Variants in NBEAL2 observed in about 807,000 individuals in gnomAD.
The protein encoded by NBEAL2 is neurobeachin-like protein 2.
A neutral mutation model predicts 299.8 loss-of-function variants in NBEAL2; 160 were observed. That is an observed-to-expected ratio of 0.53 (90% CI 0.47 to 0.61). The LOEUF is 0.61. NBEAL2 is among the 20% of genes least tolerant of loss of function. NBEAL2 has a pLI of 0.00. For synonymous variants in NBEAL2, 1,493 were observed against 1,542.3 expected, an observed-to-expected ratio of 0.97 and a Z score of 0.75; for missense variants, 3,112 against 3,649.0, an observed-to-expected ratio of 0.85 and a Z score of 3.79.
rs1487994220 is a variant in NBEAL2 at position 47,000,031 on chromosome 3, C to T, written c.3932C>T (p.Thr1311Ile). The T allele has an allele frequency of 3.7e-6, 6 of 1,612,966 alleles. No individual in the cohort carries two copies. Among genetic ancestry groups the T allele is most frequent in the Non-Finnish European group, 5.1e-6 (6 of 1,179,826 alleles). ...SPPPSSPESP[T>I]SPKPAPPKPP... is the part of the protein sequence containing the mutation. ...CCTCCGTCTTCCCCAGAGTCACCTA[C>T]CTCCCCCAAGCCAGCCCCACCCAAG... is the stretch of plus-strand genomic sequence containing the variant. The change falls in exon 27 of 54, where the codon ACC becomes ATC. Residue 1311 changes from threonine (T) to isoleucine (I), a missense_variant. Transcript: ENST00000450053. The surrounding 1 kb of genome is among the most constrained non-coding windows in gnomAD (Gnocchi z 4.5).
At position 46,996,387 on chromosome 3, in the gene NBEAL2, C is replaced by T; in HGVS notation, c.2268C>T (p.Arg756=). The T allele has an allele frequency of 6.2e-7, 1 of 1,612,266 alleles. No individual in the cohort carries two copies. Among genetic ancestry groups the T allele is most frequent in the Non-Finnish European group, 8.5e-7 (1 of 1,179,662 alleles). The change falls in exon 16 of 54, where the codon CGC becomes CGT. Residue 756 remains arginine (R), a synonymous_variant. Coordinates refer to ENST00000450053, the MANE Select transcript of NBEAL2 (RefSeq NM_015175.3). ...TLAYTHPALT[R]SQSVPASTGL... is the part of the protein sequence containing the mutation. ...CCTACACTCACCCCGCCCTCACCCG[C>T]TCCCAGTCAGTCCCAGCCTCCACAG...
At chr3:47,008,918 A>T (rs1217378905) in intron 52 of NBEAL2, 71 bp from the exon 53 acceptor site, 9 of 1,578,678 alleles carry the variant, frequency 5.7e-6, no homozygotes, top group Non-Finnish European at 8.6e-7. Context: ...GGTATATGGG[A>T]TAAGGGATAT....
At position 47,008,423 on chromosome 3, in the gene NBEAL2, G is replaced by C. The variant is rs1438118971; in HGVS notation, c.7860G>C (p.Trp2620Cys). The change falls in exon 51 of 54, where the codon TGG (tryptophan) becomes TGC (cysteine). Residue 2620 changes from tryptophan to cysteine, a missense_variant. Transcript: ENST00000450053. The stretch of plus-strand genomic sequence containing the variant: ...AGATTGTGGTACAGAGCTCAGCGTG[G>C]GAACGTCCTGGGGCCCAGGTATGGG... ...EGQIVVQSSA[W>C]ERPGAQVTYS... 1 of 1,613,148 alleles carries C rather than the reference G, an allele frequency of 6.2e-7. No individual in the cohort carries two copies. The highest frequency in any genetic ancestry group is 1.1e-5 in the South Asian group (1 of 91,074).
chr3:46,989,458 A>ACGGCCAGGAGTGGTGAGAGC lies in NBEAL2; in HGVS notation c.474-49_474-30dup. The ACGGCCAGGAGTGGTGAGAGC allele has an allele frequency of 6.4e-7, 1 of 1,565,562 alleles. No homozygotes were observed. Among genetic ancestry groups the ACGGCCAGGAGTGGTGAGAGC allele is most frequent in the Non-Finnish European group, 8.7e-7 (1 of 1,155,190 alleles). On this transcript the variant is annotated intron_variant, in intron 5 of 53. Transcript: ENST00000450053. This position sits in a 1 kb window ranked among gnomAD's most constrained non-coding sequence, Gnocchi z 5.5. ...GCCGCGCTGGGCCCAAGGAGGGGTG[A>ACGGCCAGGAGTGGTGAGAGC]CGGCCAGGAGTGGTGAGAGCCGGGC...
At chr3:47,006,471 A>C in intron 45 of NBEAL2, 22 bp downstream of exon 45, 196 of 1,547,252 alleles carry the variant, frequency 1.3e-4, no homozygotes, top group Non-Finnish European at 1.5e-4. Context: ...ACAAGACCTC[A>C]ACTTTATATT....
rs755022000 is a variant in NBEAL2 at position 47,001,875 on chromosome 3, G to C, written c.4783-45G>C. 3 of 1,608,286 alleles carry C rather than the reference G, an allele frequency of 1.9e-6. No individual in the cohort carries two copies. In the East Asian group the frequency reaches 6.7e-5, roughly 36 times the overall value. On this transcript the variant is annotated intron_variant, in intron 30 of 53. Transcript: ENST00000450053. The surrounding 1 kb of genome is among the most constrained non-coding windows in gnomAD (Gnocchi z 6.1). ...GCAGGGGGCGTGTGAGATGTCGGGA[G>C]CTCCAAGAGTGGCTGGGTGCCACTC...
At position 46,989,297 on chromosome 3, in the gene NBEAL2, A is replaced by T; in HGVS notation, c.389A>T (p.Gln130Leu). 2.5e-6 allele frequency: 4 copies of T among 1,608,192 alleles called. No individual in the cohort carries two copies. Among genetic ancestry groups the T allele is most frequent in the Non-Finnish European group, 3.4e-6 (4 of 1,177,302 alleles). The change falls in exon 5 of 54, where the codon CAG becomes CTG. Residue 130 changes from glutamine to leucine, a missense_variant. Around this residue, in one of 3 missense-constraint regions of NBEAL2, gnomAD observed 2,243 missense variants for 2,538.1 expected, o/e 0.88. Transcript: ENST00000450053. The surrounding 1 kb of genome is among the most constrained non-coding windows in gnomAD (Gnocchi z 5.5). The part of the protein sequence containing the change: ...GCPPPQGRGT[Q>L]LENVALHALL... ...CCACCACCCCAGGGCCGAGGCACGC[A>T]GTTGGAGAATGTGGCCCTACATGCT...
Position 47,006,215 on chromosome 3 carries a change from G to T in NBEAL2, c.6970G>T (p.Glu2324Ter). The change falls in exon 44 of 54, where the codon GAG becomes TAG. Residue 2324 changes from glutamate (E) to a stop codon, truncating the protein, a stop_gained. Transcript: ENST00000450053. LOFTEE classifies it high-confidence loss of function. ...VTDERERKAL[E>*]GIISNFGQTP... ...AGATGAGCGGGAACGGAAGGCTCTG[G>T]AGGGCATTATCAGCAACTTTGGGCA... is the stretch of plus-strand genomic sequence containing the variant. The T allele has an allele frequency of 6.2e-7, 1 of 1,613,968 alleles. No homozygotes were observed. The highest frequency in any genetic ancestry group is 8.5e-7 in the Non-Finnish European group (1 of 1,179,892).
chr3:46,984,870 C>G (rs1020511942), intron 1 of NBEAL2, among the ~76,000 whole-genome samples: 2 of 152,134 alleles, frequency 1.3e-5, no homozygotes, highest in Non-Finnish European at 2.9e-5. Context: ...GCCAGAGCCC[C>G]TGGATCTGGA....
chr3:46,996,133 G>C, intron 15 of NBEAL2, 82 bp downstream of exon 15: 1 of 1,548,414 alleles, frequency 6.5e-7, no homozygotes, highest in Non-Finnish European at 8.7e-7. Flanking sequence ...TGGAGCCCTT[G>C]TGTCCCGTGC....
chr3:46,981,252 G>A (rs2035313595), intron 1 of NBEAL2, among the ~76,000 whole-genome samples: 1 of 152,140 alleles, frequency 6.6e-6, no homozygotes, highest in Non-Finnish European at 1.5e-5. Context: ...AGACCATCCT[G>A]GCCAACATGG....
At position 46,991,464 on chromosome 3, in the gene NBEAL2, G is replaced by A. The variant is rs778395242; in HGVS notation, c.701G>A (p.Arg234Gln). 17 of 1,612,298 alleles carry A rather than the reference G, an allele frequency of 1.1e-5. No individual in the cohort carries two copies. In the Middle Eastern group the frequency reaches 4.9e-4, roughly 47 times the overall value. ...GSVKGLLSVV[R>Q]GWSRGPAPDP... ...GTGAAGGGCCTGCTGAGTGTGGTGC[G>A]GGGCTGGAGCCGTGGGCCAGCCCCG... Residue 234 changes from arginine (R) to glutamine (Q), a missense_variant, in exon 8 of 54, where the codon CGG (arginine) becomes CAG (glutamine). By Grantham distance (43) the Arg-to-Gln change is conservative. Coordinates refer to ENST00000450053, the MANE Select transcript of NBEAL2 (RefSeq NM_015175.3). The surrounding 1 kb of genome is among the most constrained non-coding windows in gnomAD (Gnocchi z 6.2).
At chr3:47,005,120 C>T (rs1284583061) in intron 39 of NBEAL2, 24 bp downstream of exon 39, 1 of 1,613,890 alleles carries the variant, frequency 6.2e-7, no homozygotes, top group Non-Finnish European at 8.5e-7. Flanking sequence ...CAGGGCTGGG[C>T]TCAGCGGGTA....
chr3:46,995,674 A>G, intron 13 of NBEAL2, 40 bp from the exon 14 acceptor site: 1 of 1,609,608 alleles, frequency 6.2e-7, no homozygotes. Flanking sequence ...TGCCAGGGTG[A>G]GCAGGAACAA....
Position 47,009,399 on chromosome 3 carries a change from A to C in NBEAL2, c.*79A>C. The C allele has an allele frequency of 1.4e-6, 2 of 1,386,002 alleles. No homozygotes were observed. The highest frequency in any genetic ancestry group is 2.0e-6 in the Non-Finnish European group (2 of 1,014,812). 85.9% of individuals were successfully genotyped at this position (1,386,002 alleles called of 1,614,324 possible). A position where few individuals can be genotyped will look rare whatever the true frequency, so the allele number is the denominator to read the frequency against. On this transcript the variant is annotated 3_prime_UTR_variant, in exon 54 of 54. Transcript: ENST00000450053. ...GCCCCGCCCAGAAGTCGGCGGGAACACCCCGGGGTGGGCAGCCCAGGGGGG... is the reference window on the plus strand; with the variant it reads ...GCCCCGCCCAGAAGTCGGCGGGAACCCCCCGGGGTGGGCAGCCCAGGGGGG...
At chr3:46,980,179 GTCTT>G (rs1173047470) in intron 1 of NBEAL2, among the ~76,000 whole-genome samples, 3 of 152,242 alleles carry the variant, frequency 2.0e-5, no homozygotes, top group Admixed American at 6.5e-5. Flanking sequence ...TGCAGCCTGA[GTCTT>G]TCTTGCTAGA....
rs2037622688 is a variant in NBEAL2 at position 47,008,356 on chromosome 3, T to C, written c.7793T>C (p.Phe2598Ser). The change falls in exon 51 of 54, where the codon TTC becomes TCC. Residue 2598 changes from phenylalanine to serine, a missense_variant. Phe to Ser is a radical substitution (Grantham distance 155). Around this residue, in one of 3 missense-constraint regions of NBEAL2, gnomAD observed 348 missense variants for 381.4 expected, o/e 0.91. Coordinates refer to ENST00000450053, the MANE Select transcript of NBEAL2 (RefSeq NM_015175.3). ...VAALRPLGATFPGPIFHLALG... is the reference protein window; with the variant it reads ...VAALRPLGATSPGPIFHLALG... ...GCACTACGGCCTCTGGGTGCCACAT[T>C]CCCTGGACCTATTTTCCACCTGGCA... 6.2e-7 allele frequency: 1 copy of C among 1,613,742 alleles called. No individual in the cohort carries two copies. The highest frequency in any genetic ancestry group is 8.5e-7 in the Non-Finnish European group (1 of 1,179,766).
In NBEAL2 at chr3:47,004,712, A is replaced by G; in HGVS notation, c.6294+122A>G. ...GAGCTTGGTCAAGGGTAGATGTGCC[A>G]ATGAAGACCTGGCCTCTGTTCCCTG... is the stretch of plus-strand genomic sequence containing the variant. On this transcript the variant is annotated intron_variant, in intron 38 of 53. Transcript: ENST00000450053. The surrounding 1 kb of genome is among the most constrained non-coding windows in gnomAD (Gnocchi z 5.0). 8.9e-7 allele frequency: 1 copy of G among 1,122,712 alleles called. No individual in the cohort carries two copies. Among genetic ancestry groups the G allele is most frequent in the Non-Finnish European group, 1.3e-6 (1 of 754,952 alleles). 69.5% of individuals were successfully genotyped at this position (1,122,712 alleles called of 1,614,324 possible).
At chr3:47,008,843 G>A in intron 52 of NBEAL2, 146 bp from the exon 53 acceptor site, 2 of 1,442,760 alleles carry the variant, frequency 1.4e-6, no homozygotes, top group East Asian at 2.4e-5. Context: ...CTTAGCCACA[G>A]TTGTGGGAGA....
Sources: allele counts gnomAD v4.1 joint callset (sites outside exome capture counted in the v4.1 genomes callset), GRCh38; gene constraint gnomAD v4.1.1; regional missense constraint gnomAD v4.1.1; non-coding constraint Gnocchi (gnomAD v3.1); transcripts MANE v1.5; gene names NCBI Gene and HGNC (gene_info 2026-07-23, HGNC 2026-07-21).